COL23A1: variants seen among roughly 807,000 people sequenced by gnomAD.
COL23A1 encodes collagen alpha-1(XXIII) chain.
COL23A1 carries 97 observed loss-of-function variants against 99.3 expected under a neutral mutation model. The observed-to-expected ratio is 0.98, with a 90% CI of 0.83 to 1.16. COL23A1 has a LOEUF of 1.16. COL23A1 is among the 50% of genes most tolerant of loss of function. The probability of loss-of-function intolerance (pLI) is 0.00; values close to 1 mark genes in which losing one functional copy is unlikely to be tolerated. For synonymous variants in COL23A1, 320 were observed against 308.2 expected (o/e 1.04, Z -0.40); for missense variants, 762 against 757.4 (o/e 1.01, Z -0.07).
At chr5:178,378,042 G>A (rs1763176676) in intron 2 of COL23A1, 1 of 152,238 alleles carries the variant, frequency 6.6e-6, no homozygotes, top group African/African-American at 2.4e-5. Flanking sequence ...TGCACAGTAA[G>A]TTTGGCATCA....
At chr5:178,246,050 T>C in intron 24 of COL23A1, 82 bp from the exon 25 acceptor site, 2 of 1,525,682 alleles carry the variant, frequency 1.3e-6, no homozygotes, top group Non-Finnish European at 1.8e-6. Flanking sequence ...GCCCTGTGGG[T>C]TGGCCACAGA....
chr5:178,394,573 C>G (rs1381438218), intron 2 of COL23A1, among the ~76,000 whole-genome samples: 4 of 152,214 alleles, frequency 2.6e-5, no homozygotes, highest in Admixed American at 6.5e-5. Context: ...AACTGTGTGG[C>G]CTGAAGGTTC....
At chr5:178,279,092 T>C (rs1756749512) in intron 5 of COL23A1, among the ~76,000 whole-genome samples, 1 of 152,208 alleles carries the variant, frequency 6.6e-6, no homozygotes, top group Non-Finnish European at 1.5e-5. Flanking sequence ...GCTCGAGCCC[T>C]GTGCCCTGCC....
At chr5:178,248,644 A>G (rs1042347200) in intron 19 of COL23A1, among the ~76,000 whole-genome samples, 1 of 152,168 alleles carries the variant, frequency 6.6e-6, no homozygotes, top group Non-Finnish European at 1.5e-5. Context: ...AATCATGAGG[A>G]CAACAGTGGG....
At chr5:178,414,006 G>A (rs781189467) in intron 2 of COL23A1, among the ~76,000 whole-genome samples, 2 of 152,194 alleles carry the variant, frequency 1.3e-5, no homozygotes, top group African/African-American at 4.8e-5. Flanking sequence ...AGTCCAAGCT[G>A]ATGTAACCAG....
In COL23A1 at chr5:178,261,692, G is replaced by T. The variant is rs1252666351; in HGVS notation, c.702+30C>A. 3.2e-6 allele frequency: 5 copies of T among 1,581,920 alleles called. No individual in the cohort carries two copies. The East Asian group carries it at 1.1e-4, about 35-fold the overall frequency. On this transcript the variant is annotated intron_variant, in intron 11 of 28. Coordinates refer to ENST00000390654, the MANE Select transcript of COL23A1 (RefSeq NM_173465.4). Reference sequence around the variant, plus strand: ...GGGGAGTCCATCCCACCAGATCTGGGGAGGGGCATGGGGAATAAGGAGTAC... The same window carrying T: ...GGGGAGTCCATCCCACCAGATCTGGTGAGGGGCATGGGGAATAAGGAGTAC...
chr5:178,366,735 T>C lies in COL23A1; in HGVS notation c.362-59816A>G, dbSNP rs1330007152. On this transcript the variant is annotated intron_variant, in intron 2 of 28. Transcript: ENST00000390654. This position sits in a 1 kb window ranked among gnomAD's most constrained non-coding sequence, Gnocchi z 4.4. The stretch of plus-strand genomic sequence containing the variant: ...ATCCCAAACCTCGCCGGAAGCACGT[T>C]CCTCCTCCGTGCCTGTGCTTCTGCT... 6.6e-6 allele frequency among the ~76,000 whole-genome samples: 1 copy of C among 152,134 alleles called. No individual in the cohort carries two copies. Among genetic ancestry groups the C allele is most frequent in the African/African-American group, 2.4e-5 (1 of 41,410 alleles).
chr5:178,258,262 T>TATATATATATATACATACAC, intron 12 of COL23A1, among the ~76,000 whole-genome samples: 3 of 104,064 alleles, frequency 2.9e-5, no homozygotes, highest in Non-Finnish European at 6.7e-5. Context: ...TATATATATA[T>TATATATATATATACATACAC]ACACATGCAA....
At chr5:178,399,557 C>T (rs1413849532) in intron 2 of COL23A1, among the ~76,000 whole-genome samples, 1 of 152,214 alleles carries the variant, frequency 6.6e-6, no homozygotes, top group Non-Finnish European at 1.5e-5. Flanking sequence ...ACACAAGGCC[C>T]ACGCCCCTGC....
chr5:178,348,998 A>G (rs756095057), intron 2 of COL23A1, among the ~76,000 whole-genome samples: 1 of 152,026 alleles, frequency 6.6e-6, no homozygotes, highest in African/African-American at 2.4e-5. Context: ...ACATGTGCAA[A>G]GGTGCTCTGC....
chr5:178,242,105 C>T lies in COL23A1; in HGVS notation c.1518G>A (p.Arg506=). The change falls in exon 27 of 29, where the codon CGG becomes CGA. Residue 506 remains arginine (R), a synonymous_variant. Transcript: ENST00000390654. ...CGCCCTTCTGGCCCTTCACTCCTTT[C>T]CGGCCGGGGACCCCTCGTTCTCCCT... is the stretch of plus-strand genomic sequence containing the variant. ...GEKGERGVPG[R]KGVKGQKGEP... 2 of 1,553,554 alleles carry T rather than the reference C, an allele frequency of 1.3e-6. No homozygotes were observed. Among genetic ancestry groups the T allele is most frequent in the Non-Finnish European group, 1.7e-6 (2 of 1,148,192 alleles).
At chr5:178,513,614 G>A (rs1047888733) in intron 2 of COL23A1, among the ~76,000 whole-genome samples, 1 of 152,078 alleles carries the variant, frequency 6.6e-6, no homozygotes, top group African/African-American at 2.4e-5. Flanking sequence ...GTGTAGGACT[G>A]AGGTCCCCAC....
At chr5:178,293,411 G>T (rs1757569619) in intron 3 of COL23A1, among the ~76,000 whole-genome samples, 1 of 152,126 alleles carries the variant, frequency 6.6e-6, no homozygotes, top group Non-Finnish European at 1.5e-5. Context: ...GTTCTCTTCT[G>T]ATTGTGCCAA....
rs1442879285 is a variant in COL23A1, at chr5:178,261,661, G to T, written c.702+61C>A. On this transcript the variant is annotated intron_variant, in intron 11 of 28. Transcript: ENST00000390654. ...GGGGAAGAGACAGGAAGTGGAGGTG[G>T]TGGTGGGGGAGTCCATCCCACCAGA... 1.2e-5 allele frequency: 14 copies of T among 1,180,068 alleles called. No individual in the cohort carries two copies. In the East Asian group the frequency reaches 2.8e-4, roughly 24 times the overall value. 73.1% of individuals were successfully genotyped at this position (1,180,068 alleles called of 1,614,324 possible).
rs573338125 is a variant in COL23A1 at position 178,417,839 on chromosome 5, GCAA to G, written c.362-110923_362-110921del. On this transcript the variant is annotated intron_variant, in intron 2 of 28. Coordinates refer to ENST00000390654, the MANE Select transcript of COL23A1 (RefSeq NM_173465.4). ...AACGAGGACGTTCTGAACCTGGGCTGCAACAACAACCTCTGACTTGGGCCCAAA... is the reference window on the plus strand; with the variant it reads ...AACGAGGACGTTCTGAACCTGGGCTGCAACAACCTCTGACTTGGGCCCAAA... Among the ~76,000 whole-genome samples the G allele has an allele frequency of 9.8e-5, 15 of 152,354 alleles. No homozygotes were observed. In the South Asian group the frequency reaches 2.7e-3, roughly 27 times the overall value.
intron 1 of COL23A1, among the ~76,000 whole-genome samples, chr5:178,576,542 A>G (rs1159157938): frequency 6.6e-6 from 1 of 151,868 alleles, no homozygotes; most frequent in East Asian, 1.9e-4. Flanking sequence ...CGTCCTCATT[A>G]TTTTTCAAAG....
At chr5:178,420,201 C>T (rs982270607) in intron 2 of COL23A1, among the ~76,000 whole-genome samples, 3 of 152,176 alleles carry the variant, frequency 2.0e-5, no homozygotes, top group African/African-American at 2.4e-5. Flanking sequence ...AAGCATACCA[C>T]GCTCCTCACT....
At chr5:178,442,084 G>A (rs1003055776) in intron 2 of COL23A1, among the ~76,000 whole-genome samples, 6 of 151,904 alleles carry the variant, frequency 3.9e-5, no homozygotes, top group African/African-American at 1.5e-4. Flanking sequence ...AACCACGCAC[G>A]CCGAGTCCTG....
At position 178,259,756 on chromosome 5, in the gene COL23A1, G is replaced by A. The variant is rs371047605; in HGVS notation, c.703-9C>T. The A allele has an allele frequency of 9.9e-5, 159 of 1,601,488 alleles. No homozygotes were observed. The highest frequency in any genetic ancestry group is 1.3e-4 in the Non-Finnish European group (154 of 1,172,296). ...GGTACTCCAGGCTCACCCTGGGGGA[G>A]GCAATGGGGGGTTCAAGAGCAAGGT... On this transcript the variant is annotated splice_polypyrimidine_tract_variant and intron_variant, in intron 11 of 28. Coordinates refer to ENST00000390654, the MANE Select transcript of COL23A1 (RefSeq NM_173465.4).
Sources: gnomAD v4.1 joint callset for allele counts (sites outside exome capture counted in the v4.1 genomes callset) on GRCh38, gnomAD v4.1.1 for gene constraint, Gnocchi (gnomAD v3.1) non-coding constraint, MANE v1.5 for transcripts, NCBI Gene and HGNC (gene_info 2026-07-23, HGNC 2026-07-21) for gene names.